Variants in GOLM1 observed in about 807,000 individuals in gnomAD.
The protein encoded by GOLM1 is epididymis luminal protein 46.
Under a neutral mutation model 50.5 loss-of-function variants are expected in GOLM1, and 31 were observed. That is an observed-to-expected ratio of 0.61 (90% CI 0.46 to 0.83). The LOEUF (loss-of-function observed/expected upper bound fraction) is 0.83, where lower values mean the gene tolerates loss of function less well. Ranked by LOEUF, GOLM1 falls within the 40% of genes least tolerant of loss-of-function variation. The pLI, the probability that GOLM1 is intolerant of heterozygous loss-of-function variation, is 0.00. For missense variants in GOLM1, 491 were observed against 501.3 expected (o/e 0.98, Z 0.20); for synonymous variants, 178 against 192.8 (o/e 0.92, Z 0.64).
At chr9:86,043,787 C>T (rs772733162) in intron 5 of GOLM1, among the ~76,000 whole-genome samples, 3 of 152,174 alleles carry the variant, frequency 2.0e-5, no homozygotes, top group Non-Finnish European at 2.9e-5. Flanking sequence ...CCCATCGCCT[C>T]GGCCCAAGCT....
In GOLM1 at chr9:86,047,428, G is replaced by A. The variant is rs146316255; in HGVS notation, c.365-856C>T. On this transcript the variant is annotated intron_variant, in intron 4 of 9. Coordinates refer to ENST00000388712, the MANE Select transcript of GOLM1 (RefSeq NM_016548.4). ...AAAATGGAAGCGTTCCGTGAATTAC[G>A]ATACACACAACACGGACTCATCCCA... is the stretch of plus-strand genomic sequence containing the variant. 9.3e-3 allele frequency among the ~76,000 whole-genome samples: 1,420 copies of A among 152,230 alleles called. 24 individuals carry two copies. Among genetic ancestry groups the A allele is most frequent in the African/African-American group, 0.032 (1,334 of 41,534 alleles).
At chr9:86,084,605 T>C (rs1051007056) in intron 1 of GOLM1, among the ~76,000 whole-genome samples, 3 of 152,318 alleles carry the variant, frequency 2.0e-5, no homozygotes, top group African/African-American at 4.8e-5. Flanking sequence ...AAAGGGTATA[T>C]AGGAACTATA....
At chr9:86,032,066 C>G (rs369482775) in intron 9 of GOLM1, among the ~76,000 whole-genome samples, 10 of 152,034 alleles carry the variant, frequency 6.6e-5, no homozygotes, top group Non-Finnish European at 1.5e-4. Context: ...ATAGCTGCCA[C>G]TCTACAGAAA....
At chr9:86,050,280 G>A (rs553229048) in intron 4 of GOLM1, among the ~76,000 whole-genome samples, 1 of 152,276 alleles carries the variant, frequency 6.6e-6, no homozygotes, top group South Asian at 2.1e-4. Flanking sequence ...GCATTTTATT[G>A]AGGATTTTTG....
At chr9:86,041,813 G>T (rs1251063817) in intron 5 of GOLM1, among the ~76,000 whole-genome samples, 1 of 152,148 alleles carries the variant, frequency 6.6e-6, no homozygotes, top group African/African-American at 2.4e-5. Flanking sequence ...TGTGCTAAGT[G>T]GGTAGTATCA....
intron 3 of GOLM1, among the ~76,000 whole-genome samples, chr9:86,053,789 C>A (rs112507524): frequency 0.089 from 11,209 of 126,334 alleles, 1,129 homozygotes; most frequent in East Asian, 0.32. Context: ...CATCACATAC[C>A]GCTCCACACA....
chr9:86,036,313 A>G, intron 7 of GOLM1, 35 bp downstream of exon 7: 1 of 1,611,142 alleles, frequency 6.2e-7, no homozygotes, highest in Non-Finnish European at 8.5e-7. Context: ...GGCTCTGGAG[A>G]GCTGGGAACA....
At chr9:86,042,169 G>A (rs1833378389) in intron 5 of GOLM1, among the ~76,000 whole-genome samples, 1 of 152,216 alleles carries the variant, frequency 6.6e-6, no homozygotes, top group Non-Finnish European at 1.5e-5. Context: ...AATTGCTATT[G>A]CATTGCTTCA....
intron 6 of GOLM1, 166 bp from the exon 7 acceptor site, chr9:86,036,673 C>T (rs1016149256): frequency 3.7e-5 from 24 of 652,134 alleles, no homozygotes; most frequent in Middle Eastern, 4.2e-4. Flanking sequence ...GGTCATGTGG[C>T]GTAAATCAGA....
chr9:86,031,293 C>T (rs1402034331), intron 9 of GOLM1, among the ~76,000 whole-genome samples: 1 of 151,966 alleles, frequency 6.6e-6, no homozygotes, highest in Non-Finnish European at 1.5e-5. Context: ...TCCTGCTGCC[C>T]TGAGGATTTC....
intron 1 of GOLM1, among the ~76,000 whole-genome samples, chr9:86,084,459 A>G (rs981141681): frequency 6.6e-6 from 1 of 152,126 alleles, no homozygotes; most frequent in Non-Finnish European, 1.5e-5. Context: ...CATAACCTCA[A>G]TCTTATCAGG....
intron 5 of GOLM1, among the ~76,000 whole-genome samples, chr9:86,044,933 C>G (rs1168475318): frequency 6.6e-6 from 1 of 150,928 alleles, no homozygotes; most frequent in Non-Finnish European, 1.5e-5. Flanking sequence ...GCCTGGGAAA[C>G]GAGCTGTGAA....
intron 6 of GOLM1, among the ~76,000 whole-genome samples, chr9:86,037,681 G>T (rs749439440): frequency 2.6e-5 from 4 of 152,178 alleles, no homozygotes; most frequent in Admixed American, 6.5e-5. Flanking sequence ...TAGGAGAGGT[G>T]AGGACAGAGT....
At chr9:86,033,186 C>G (rs1187443569) in intron 9 of GOLM1, 96 bp downstream of exon 9, 1 of 716,948 alleles carries the variant, frequency 1.4e-6, no homozygotes, top group Non-Finnish European at 2.5e-6. Context: ...CCATTAATTA[C>G]AATATAATTT....
chr9:86,053,140 C>A, intron 3 of GOLM1, among the ~76,000 whole-genome samples: 1 of 129,746 alleles, frequency 7.7e-6, no homozygotes, highest in African/African-American at 2.9e-5. Context: ...CACACCAAAC[C>A]ACACACCACT....
chr9:86,082,025 C>CT (rs35208119), intron 1 of GOLM1, among the ~76,000 whole-genome samples: 22,847 of 83,584 alleles, frequency 0.27, 6,159 homozygotes, highest in African/African-American at 0.5. Context: ...ACCTGGGACA[C>CT]TTTTTTTTTT....
In GOLM1 at chr9:86,065,499, G is replaced by A. The variant is rs75080703; in HGVS notation, c.309+11913C>T. ...CCCCCAGAAGACAATCATTACATTC[G>A]CAGGTGCACAAGCAAAGCTGGCCCA... On this transcript the variant is annotated intron_variant, in intron 3 of 9. Transcript: ENST00000388712. Among the ~76,000 whole-genome samples the A allele has an allele frequency of 1.8e-3, 275 of 152,250 alleles. 2 individuals are homozygous for A. The East Asian group carries it at 0.027, about 15-fold the overall frequency.
upstream of GOLM1, chr9:86,099,915 A>G (rs540558495): frequency 1.1e-4 from 17 of 152,452 alleles, no homozygotes; most frequent in African/African-American, 3.6e-4. Context: ...CGAACAGCCA[A>G]CCGCACCCAG....
At chr9:86,053,624 CAT>C (rs1376965789) in intron 3 of GOLM1, among the ~76,000 whole-genome samples, 19 of 37,030 alleles carry the variant, frequency 5.1e-4, no homozygotes, top group African/African-American at 7.5e-4. Flanking sequence ...CCACACCAAA[CAT>C]CACTACAAAA....
Sources: allele counts gnomAD v4.1 joint callset (sites outside exome capture counted in the v4.1 genomes callset), GRCh38; gene constraint gnomAD v4.1.1; transcripts MANE v1.5; gene names NCBI Gene and HGNC (gene_info 2026-07-23, HGNC 2026-07-21).